GALNT13: variants seen among roughly 807,000 people sequenced by gnomAD.
The protein encoded by GALNT13 is UDP-GalNAc:polypeptide N-acetylgalactosaminyltransferase 13.
GALNT13 carries 28 observed loss-of-function variants against 64.2 expected under a neutral mutation model. That is an observed-to-expected ratio of 0.44 (90% CI 0.32 to 0.60). The LOEUF is 0.60. GALNT13 is among the 20% of genes least tolerant of loss of function. The pLI, the probability that GALNT13 is intolerant of heterozygous loss-of-function variation, is 0.05. For missense variants in GALNT13, 577 were observed against 669.8 expected (o/e 0.86, Z 1.53); for synonymous variants, 214 against 224.6 (o/e 0.95, Z 0.42).
At chr2:153,799,469 A>C in the GALNT13 span, among the ~76,000 whole-genome samples, 1 of 152,174 alleles carries the variant, frequency 6.6e-6, no homozygotes, top group African/African-American at 2.4e-5. Context: ...GGAGTAATGC[A>C]AAGGAATCGG....
chr2:153,879,357 CGTGTGTGT>C (rs4034904), intron 1 of GALNT13, among the ~76,000 whole-genome samples: 4 of 148,534 alleles, frequency 2.7e-5, no homozygotes, highest in Middle Eastern at 3.5e-3. Context: ...AAACTACCTA[CGTGTGTGT>C]GTGTGTGTGT....
At chr2:153,408,616 G>A in the GALNT13 span, among the ~76,000 whole-genome samples, 1 of 152,060 alleles carries the variant, frequency 6.6e-6, no homozygotes, top group Non-Finnish European at 1.5e-5. Context: ...AGAGCTCAGA[G>A]CCCACAGTTG....
At chr2:153,801,372 T>C in the GALNT13 span, among the ~76,000 whole-genome samples, 9 of 152,204 alleles carry the variant, frequency 5.9e-5, no homozygotes, top group East Asian at 1.5e-3. Flanking sequence ...TATTTTTGAT[T>C]TAAAGTGAGA....
At chr2:153,623,448 G>A in the GALNT13 span, among the ~76,000 whole-genome samples, 10 of 151,952 alleles carry the variant, frequency 6.6e-5, no homozygotes, top group Admixed American at 1.3e-4. Flanking sequence ...TATAAATGCC[G>A]CTCCATATAA....
rs1486301244 is a variant in GALNT13, at chr2:153,938,921, G to C, written c.-104-5473G>C. Among the ~76,000 whole-genome samples, 5 of 152,212 alleles carry C rather than the reference G, an allele frequency of 3.3e-5. No individual in the cohort carries two copies. The South Asian group carries it at 6.2e-4, about 19-fold the overall frequency. The stretch of plus-strand genomic sequence containing the variant: ...GGATTTTTGGAATGTGGCAGGCAAG[G>C]GCAATTCAGCCCATAACAACAAATG... On this transcript the variant is annotated intron_variant, in intron 2 of 12. Transcript: ENST00000392825.
In GALNT13 at chr2:154,349,324, T is replaced by G. The variant is rs764822920; in HGVS notation, c.1157-46667T>G. Among the ~76,000 whole-genome samples, 7 of 152,196 alleles carry G rather than the reference T, an allele frequency of 4.6e-5. No homozygotes were observed. In the South Asian group the frequency reaches 1.4e-3, roughly 32 times the overall value. ...ATAAAATACAACTGTTTTAACTGGT[T>G]TACAAGAAAATTGCAAGGATCATCT... On this transcript the variant is annotated intron_variant, in intron 9 of 12. Coordinates refer to ENST00000392825, the MANE Select transcript of GALNT13 (RefSeq NM_052917.4).
At chr2:154,080,565 A>G (rs1013546123) in intron 3 of GALNT13, among the ~76,000 whole-genome samples, 1 of 151,510 alleles carries the variant, frequency 6.6e-6, no homozygotes, top group Non-Finnish European at 1.5e-5. Context: ...CTCTCAAACA[A>G]GGTGACAAGT....
intron 8 of GALNT13, among the ~76,000 whole-genome samples, chr2:154,298,705 C>T (rs368558557): frequency 2.0e-3 from 109 of 55,362 alleles, no homozygotes; most frequent in African/African-American, 2.7e-3. Context: ...ATTGTATATA[C>T]AATTTATATA....
the GALNT13 span, among the ~76,000 whole-genome samples, chr2:153,638,447 TA>T: frequency 4.8e-5 from 1 of 20,964 alleles, no homozygotes; most frequent in African/African-American, 1.0e-4. Context: ...ATAGAAATAG[TA>T]AAAAAGTAGT....
At chr2:153,948,861 A>C (rs1016998961) in intron 3 of GALNT13, among the ~76,000 whole-genome samples, 1 of 152,054 alleles carries the variant, frequency 6.6e-6, no homozygotes, top group Non-Finnish European at 1.5e-5. Context: ...GGGCAGGAGA[A>C]GAGAGAAGAT....
chr2:153,319,568 T>A, the GALNT13 span, among the ~76,000 whole-genome samples: 13 of 152,314 alleles, frequency 8.5e-5, no homozygotes, highest in Non-Finnish European at 1.6e-4. Flanking sequence ...TGTGAGCCAC[T>A]GCACCCAGCC....
chr2:154,267,251 C>A (rs907117595), intron 8 of GALNT13, among the ~76,000 whole-genome samples: 4 of 152,052 alleles, frequency 2.6e-5, no homozygotes, highest in Non-Finnish European at 4.4e-5. Context: ...ACTTGTGTAA[C>A]CATTGATTAG....
At chr2:153,944,998 C>A (rs913460023) in intron 3 of GALNT13, among the ~76,000 whole-genome samples, 1 of 152,066 alleles carries the variant, frequency 6.6e-6, no homozygotes, top group Non-Finnish European at 1.5e-5. Flanking sequence ...TAACATAAAA[C>A]GGAAAAACCA....
At chr2:153,990,187 T>TA (rs1364356115) in intron 3 of GALNT13, among the ~76,000 whole-genome samples, 2 of 152,062 alleles carry the variant, frequency 1.3e-5, no homozygotes, top group African/African-American at 4.8e-5. Flanking sequence ...AAAAATTAAA[T>TA]AACTTGCTCA....
At chr2:153,329,854 G>A in the GALNT13 span, among the ~76,000 whole-genome samples, 1 of 152,130 alleles carries the variant, frequency 6.6e-6, no homozygotes, top group Non-Finnish European at 1.5e-5. Flanking sequence ...CCTTCCCAAG[G>A]TCAACGTCCA....
chr2:153,671,315 C>G, the GALNT13 span, among the ~76,000 whole-genome samples: 2 of 152,124 alleles, frequency 1.3e-5, no homozygotes, highest in East Asian at 3.9e-4. Context: ...GGTTGGTTTA[C>G]CCACAAAGGG....
the GALNT13 span, among the ~76,000 whole-genome samples, chr2:153,847,365 T>C: frequency 1.3e-5 from 2 of 150,734 alleles, no homozygotes; most frequent in Non-Finnish European, 3.0e-5. Context: ...TATAGAAGAT[T>C]TGAATAACAG....
chr2:154,291,649 C>T (rs931428355), intron 8 of GALNT13, among the ~76,000 whole-genome samples: 27 of 152,176 alleles, frequency 1.8e-4, no homozygotes, highest in Non-Finnish European at 1.3e-4. Flanking sequence ...ACGGGTGCTG[C>T]GTGCAGCCCC....
intron 3 of GALNT13, among the ~76,000 whole-genome samples, chr2:154,107,662 A>G (rs1053910054): frequency 6.9e-6 from 1 of 144,522 alleles, no homozygotes; most frequent in Non-Finnish European, 1.5e-5. Flanking sequence ...TCTATAATTA[A>G]CCATATTTAT....
Sources: gnomAD v4.1 joint callset for allele counts (sites outside exome capture counted in the v4.1 genomes callset) on GRCh38, gnomAD v4.1.1 for gene constraint, MANE v1.5 for transcripts, NCBI Gene and HGNC (gene_info 2026-07-23, HGNC 2026-07-21) for gene names.